The following PODXL2 variants were observed in gnomAD, a reference collection of about 807,000 sequenced individuals.
PODXL2 encodes podocalyxin-like protein 2.
PODXL2 carries 17 observed loss-of-function variants against 53.4 expected under a neutral mutation model. The observed-to-expected ratio is 0.32, with a 90% confidence interval of 0.22 to 0.48. PODXL2 has a LOEUF of 0.48. PODXL2 is among the 20% of genes least tolerant of loss of function. The pLI is 0.99. For missense variants in PODXL2, 673 were observed against 760.0 expected, an observed-to-expected ratio of 0.89 and a Z score of 1.35; for synonymous variants, 311 against 306.7, an observed-to-expected ratio of 1.01 and a Z score of -0.15.
chr3:127,668,667 GA>G (rs2074811458), intron 5 of PODXL2, 70 bp downstream of exon 5: 2 of 1,372,646 alleles, frequency 1.5e-6, no homozygotes, highest in Non-Finnish European at 9.6e-7. Context: ...AGGGTCACGG[GA>G]AAAAAGTGCA....
At chr3:127,657,247 A>G (rs2074731250) in intron 2 of PODXL2, among the ~76,000 whole-genome samples, 1 of 152,112 alleles carries the variant, frequency 6.6e-6, no homozygotes. Context: ...GTCAGCACCA[A>G]ATTGAGTAGA....
chr3:127,650,948 C>G (rs867540498), intron 2 of PODXL2, among the ~76,000 whole-genome samples: 1 of 152,138 alleles, frequency 6.6e-6, no homozygotes, highest in Non-Finnish European at 1.5e-5. Context: ...CGTGAGCCAC[C>G]GCGCCCAGCT....
chr3:127,631,161 C>A (rs528941206), intron 1 of PODXL2, among the ~76,000 whole-genome samples: 1 of 152,082 alleles, frequency 6.6e-6, no homozygotes, highest in South Asian at 2.1e-4. Context: ...GTGGAGGTAG[C>A]GTGACTGTGC....
chr3:127,672,353 T>TGAAGGAG lies in PODXL2; in HGVS notation c.1692_1693insAAGGAGG (p.Gln565LysfsTer?). 1 of 1,549,964 alleles carries TGAAGGAG rather than the reference T, an allele frequency of 6.5e-7. No individual in the cohort carries two copies. The highest frequency in any genetic ancestry group is 8.7e-7 in the Non-Finnish European group (1 of 1,147,846). ...GTGGCCAGCGACAGCCAGTCGGAGA[T>TGAAGGAG]GCAGGAGAAGCACCCCAGCCTGAAC... is the stretch of plus-strand genomic sequence containing the variant. On this transcript the variant is annotated frameshift_variant, in exon 8 of 8. Coordinates refer to ENST00000342480, the MANE Select transcript of PODXL2 (RefSeq NM_015720.4). LOFTEE classifies it high-confidence loss of function.
At chr3:127,630,847 A>G (rs963988698) in intron 1 of PODXL2, among the ~76,000 whole-genome samples, 15 of 152,224 alleles carry the variant, frequency 9.9e-5, no homozygotes, top group Admixed American at 7.9e-4. Flanking sequence ...GACATTCAAT[A>G]AATAAACATC....
At chr3:127,652,226 C>T (rs765754966) in intron 2 of PODXL2, among the ~76,000 whole-genome samples, 1 of 152,182 alleles carries the variant, frequency 6.6e-6, no homozygotes, top group African/African-American at 2.4e-5. Context: ...GTGGAAAAGG[C>T]GAGAGATGGG....
At chr3:127,665,524 A>T (rs1051011855) in intron 4 of PODXL2, among the ~76,000 whole-genome samples, 1 of 152,218 alleles carries the variant, frequency 6.6e-6, no homozygotes, top group Non-Finnish European at 1.5e-5. Flanking sequence ...ACATGAGAGG[A>T]GGAAGAAAGA....
intron 4 of PODXL2, among the ~76,000 whole-genome samples, chr3:127,668,098 CTGCGTG>C (rs1247057076): frequency 1.5e-4 from 18 of 117,220 alleles, no homozygotes; most frequent in African/African-American, 5.6e-4. Flanking sequence ...CTGTACATGG[CTGCGTG>C]TGTGTGTGTG....
chr3:127,672,586 C>G lies in PODXL2; in HGVS notation c.*106C>G, dbSNP rs1368178075. Reference sequence around the variant, plus strand: ...AGCCCCGCGCCTACCCGGGCCGCCCCCGCGGCCTGGCCCTCGGCGCGGGCT... The same window carrying G: ...AGCCCCGCGCCTACCCGGGCCGCCCGCGCGGCCTGGCCCTCGGCGCGGGCT... On this transcript the variant is annotated 3_prime_UTR_variant, in exon 8 of 8. Coordinates refer to ENST00000342480, the MANE Select transcript of PODXL2 (RefSeq NM_015720.4). 6 of 724,210 alleles carry G rather than the reference C, an allele frequency of 8.3e-6. No homozygotes were observed. In the African/African-American group the frequency reaches 9.4e-5, roughly 11 times the overall value. 44.9% of individuals were successfully genotyped at this position (724,210 alleles called of 1,614,324 possible).
At chr3:127,666,140 C>T (rs986530694) in intron 4 of PODXL2, among the ~76,000 whole-genome samples, 1 of 152,226 alleles carries the variant, frequency 6.6e-6, no homozygotes, top group Non-Finnish European at 1.5e-5. Flanking sequence ...TGATGTCCTC[C>T]TGTGCTTACT....
chr3:127,633,729 G>C (rs2074561694), intron 1 of PODXL2, among the ~76,000 whole-genome samples: 1 of 152,012 alleles, frequency 6.6e-6, no homozygotes, highest in Non-Finnish European at 1.5e-5. Context: ...GCTGTATGAA[G>C]GTCTCTTACA....
intron 2 of PODXL2, among the ~76,000 whole-genome samples, chr3:127,653,652 GAAA>G (rs757894545): frequency 8.2e-6 from 1 of 121,312 alleles, no homozygotes; most frequent in Non-Finnish European, 1.8e-5. Flanking sequence ...TCTCAAAAAA[GAAA>G]AAAAAAAAAA....
At chr3:127,665,215 C>G (rs2074789637) in intron 4 of PODXL2, among the ~76,000 whole-genome samples, 1 of 152,192 alleles carries the variant, frequency 6.6e-6, no homozygotes, top group African/African-American at 2.4e-5. Flanking sequence ...CTTTAGTCTC[C>G]TTTAATCTGG....
chr3:127,638,991 A>G (rs996615698), intron 1 of PODXL2, among the ~76,000 whole-genome samples: 1 of 152,174 alleles, frequency 6.6e-6, no homozygotes, highest in Non-Finnish European at 1.5e-5. Flanking sequence ...ACACTGACTC[A>G]GTGATTCCTC....
intron 1 of PODXL2, among the ~76,000 whole-genome samples, chr3:127,630,729 A>G (rs2074540052): frequency 6.6e-6 from 1 of 152,238 alleles, no homozygotes. Context: ...GGATGAAGAA[A>G]GGCCCTAGGT....
chr3:127,655,737 C>T (rs758742578), intron 2 of PODXL2, among the ~76,000 whole-genome samples: 6 of 152,232 alleles, frequency 3.9e-5, no homozygotes, highest in Non-Finnish European at 7.3e-5. Flanking sequence ...AGTGAGCAAG[C>T]GTTCAGTGAT....
chr3:127,641,668 C>T (rs1261418158), intron 2 of PODXL2, among the ~76,000 whole-genome samples: 2 of 151,998 alleles, frequency 1.3e-5, no homozygotes, highest in Non-Finnish European at 2.9e-5. Context: ...CATGTGCCAC[C>T]ATGCCCGAAT....
chr3:127,665,033 G>C (rs1231115161), intron 4 of PODXL2, among the ~76,000 whole-genome samples: 1 of 152,040 alleles, frequency 6.6e-6, no homozygotes, highest in Non-Finnish European at 1.5e-5. Context: ...TATTCTTTTA[G>C]ATAACCACAA....
intron 2 of PODXL2, among the ~76,000 whole-genome samples, chr3:127,646,034 T>C (rs2074655695): frequency 1.3e-5 from 2 of 152,214 alleles, no homozygotes; most frequent in Admixed American, 1.3e-4. Flanking sequence ...CAGGGACTGC[T>C]GAAAACCATG....
Sources: allele counts gnomAD v4.1 joint callset (sites outside exome capture counted in the v4.1 genomes callset), GRCh38; gene constraint gnomAD v4.1.1; transcripts MANE v1.5; gene names NCBI Gene and HGNC (gene_info 2026-07-23, HGNC 2026-07-21).